The following NCKAP5 variants were observed in gnomAD, a reference collection of about 807,000 sequenced individuals.
The protein encoded by NCKAP5 is nck-associated protein 5.
A neutral mutation model predicts 167.0 loss-of-function variants in NCKAP5; 92 were observed. The ratio of observed to expected loss-of-function variants is 0.55; its 90% CI spans 0.47 to 0.66. The LOEUF (loss-of-function observed/expected upper bound fraction) is 0.66, where lower values mean the gene tolerates loss of function less well. Among genes scored for constraint, NCKAP5 ranks in the 30% least tolerant of loss-of-function variants. NCKAP5 has a pLI of 0.00. For synonymous variants in NCKAP5, 891 were observed against 877.4 expected (o/e 1.02, Z -0.27); for missense variants, 2,378 against 2,315.0 (o/e 1.03, Z -0.56).
intron 3 of NCKAP5, among the ~76,000 whole-genome samples, chr2:133,306,035 G>T (rs1029646944): frequency 2.0e-5 from 3 of 152,240 alleles, no homozygotes; most frequent in Non-Finnish European, 2.9e-5. Context: ...AACTGGAAAA[G>T]TTAGTTACCT....
chr2:133,057,926 A>G (rs747422581), intron 6 of NCKAP5, among the ~76,000 whole-genome samples: 2 of 152,196 alleles, frequency 1.3e-5, no homozygotes, highest in African/African-American at 2.4e-5. Context: ...CTGCCTTGTT[A>G]GAGACTAACG....
intron 6 of NCKAP5, among the ~76,000 whole-genome samples, chr2:133,021,644 T>C (rs2078531816): frequency 1.3e-5 from 2 of 152,198 alleles, no homozygotes; most frequent in Admixed American, 6.5e-5. Context: ...GTTTGTTGTT[T>C]TTTCAGAGAC....
At chr2:133,155,033 G>A (rs913691525) in intron 5 of NCKAP5, among the ~76,000 whole-genome samples, 1 of 152,182 alleles carries the variant, frequency 6.6e-6, no homozygotes, top group African/African-American at 2.4e-5. Context: ...TTATGCCTAT[G>A]TGAGGTACCT....
At chr2:133,600,535 G>A in the NCKAP5 span, among the ~76,000 whole-genome samples, 11 of 152,238 alleles carry the variant, frequency 7.2e-5, no homozygotes, top group Admixed American at 5.9e-4. Context: ...AGCTGACTGC[G>A]TTACAAGCAG....
intron 4 of NCKAP5, among the ~76,000 whole-genome samples, chr2:133,234,890 T>C (rs1247232099): frequency 1.3e-5 from 2 of 149,148 alleles, no homozygotes; most frequent in East Asian, 2.0e-4. Context: ...AATATTTATA[T>C]AAATAAGTGT....
chr2:133,182,926 T>C (rs770004454), intron 5 of NCKAP5, among the ~76,000 whole-genome samples: 46 of 151,762 alleles, frequency 3.0e-4, no homozygotes, highest in Non-Finnish European at 5.0e-4. Flanking sequence ...AAACAGGAGC[T>C]ATCACTACAG....
At chr2:133,331,123 G>A (rs371899057) in intron 3 of NCKAP5, among the ~76,000 whole-genome samples, 3 of 152,228 alleles carry the variant, frequency 2.0e-5, no homozygotes, top group East Asian at 1.9e-4. Context: ...CCTAATTGTC[G>A]TTGACTGATA....
chr2:132,694,106 T>TATTTATTC (rs1229638203), intron 19 of NCKAP5, among the ~76,000 whole-genome samples: 2 of 132,454 alleles, frequency 1.5e-5, no homozygotes, highest in Non-Finnish European at 3.1e-5. Context: ...TTAAGTGTTT[T>TATTTATTC]ATTTATTTAT....
chr2:133,210,735 A>G (rs1358545308), intron 5 of NCKAP5, among the ~76,000 whole-genome samples: 1 of 152,222 alleles, frequency 6.6e-6, no homozygotes, highest in East Asian at 1.9e-4. Flanking sequence ...GCAAAGGAAC[A>G]GGGAGAAATA....
chr2:132,794,308 G>GAGAGAGAGAGAGAGAGAGA (rs1558788607), intron 12 of NCKAP5, among the ~76,000 whole-genome samples: 1 of 50,062 alleles, frequency 2.0e-5, no homozygotes, highest in Non-Finnish European at 4.9e-5. Context: ...AGAGAGAGAG[G>GAGAGAGAGAGAGAGAGAGA]GTGGCGGGAA....
At chr2:133,613,997 C>G in the NCKAP5 span, among the ~76,000 whole-genome samples, 1 of 152,142 alleles carries the variant, frequency 6.6e-6, no homozygotes, top group Non-Finnish European at 1.5e-5. Flanking sequence ...AGATAGCAGG[C>G]AGGACTAGCT....
At chr2:133,175,173 T>C (rs1384094081) in intron 5 of NCKAP5, among the ~76,000 whole-genome samples, 1 of 152,232 alleles carries the variant, frequency 6.6e-6, no homozygotes, top group Non-Finnish European at 1.5e-5. Flanking sequence ...GTGAATCATA[T>C]GTGCATGTCT....
intron 8 of NCKAP5, among the ~76,000 whole-genome samples, chr2:132,884,142 C>A (rs1422102321): frequency 6.6e-6 from 1 of 152,200 alleles, no homozygotes; most frequent in Non-Finnish European, 1.5e-5. Flanking sequence ...TTTAACAAAC[C>A]TGTGAACACC....
intron 11 of NCKAP5, among the ~76,000 whole-genome samples, chr2:132,841,295 A>C (rs1485125461): frequency 2.6e-5 from 4 of 152,110 alleles, no homozygotes; most frequent in Non-Finnish European, 1.5e-5. Flanking sequence ...TTTAGTCCTT[A>C]CCTTGAAAGG....
At chr2:133,600,941 A>T in the NCKAP5 span, among the ~76,000 whole-genome samples, 1 of 152,246 alleles carries the variant, frequency 6.6e-6, no homozygotes, top group Non-Finnish European at 1.5e-5. Flanking sequence ...GTTCTGAAAC[A>T]CACATTCTGA....
intron 6 of NCKAP5, among the ~76,000 whole-genome samples, chr2:133,057,459 T>C (rs1361442155): frequency 2.0e-5 from 3 of 152,208 alleles, no homozygotes; most frequent in Non-Finnish European, 2.9e-5. Context: ...ACTACTTCAG[T>C]GAACACATGA....
intron 5 of NCKAP5, among the ~76,000 whole-genome samples, chr2:133,199,259 G>T (rs2085569637): frequency 6.6e-6 from 1 of 151,910 alleles, no homozygotes; most frequent in Admixed American, 6.6e-5. Flanking sequence ...TTTAATACTA[G>T]ACTGCTTCTG....
At chr2:133,456,483 A>G (rs1315253693) in intron 3 of NCKAP5, among the ~76,000 whole-genome samples, 1 of 152,172 alleles carries the variant, frequency 6.6e-6, no homozygotes, top group Non-Finnish European at 1.5e-5. Context: ...AGAGAAAAGG[A>G]GTGCAGGCTC....
At chr2:133,371,177 A>C (rs1264018351) in intron 3 of NCKAP5, among the ~76,000 whole-genome samples, 1 of 152,242 alleles carries the variant, frequency 6.6e-6, no homozygotes, top group Non-Finnish European at 1.5e-5. Flanking sequence ...ATAACAGAGA[A>C]TCTGCTGGAT....
Sources: allele counts gnomAD v4.1 joint callset (sites outside exome capture counted in the v4.1 genomes callset), GRCh38; gene constraint gnomAD v4.1.1; transcripts MANE v1.5; gene names NCBI Gene and HGNC (gene_info 2026-07-23, HGNC 2026-07-21).